Variants in DGKI observed in about 807,000 individuals in gnomAD.
The protein encoded by DGKI is diacylglycerol kinase iota.
DGKI carries 55 observed loss-of-function variants against 147.5 expected under a neutral mutation model. The ratio of observed to expected loss-of-function variants is 0.37; its 90% CI spans 0.30 to 0.47. The LOEUF (loss-of-function observed/expected upper bound fraction) is 0.47. DGKI is among the 20% of genes least tolerant of loss of function. The pLI, the probability that DGKI is intolerant of heterozygous loss-of-function variation, is 1.00. For missense variants in DGKI, 1,007 were observed against 1,323.8 expected (o/e 0.76, Z 3.71); for synonymous variants, 469 against 477.1 (o/e 0.98, Z 0.22).
At chr7:137,573,406 C>T (rs1230185297) in intron 17 of DGKI, among the ~76,000 whole-genome samples, 6 of 152,124 alleles carry the variant, frequency 3.9e-5, no homozygotes, top group Non-Finnish European at 5.9e-5. Flanking sequence ...TATCTTCATT[C>T]GTGGTTTGTT....
intron 28 of DGKI, among the ~76,000 whole-genome samples, chr7:137,425,450 A>C (rs959468821): frequency 2.0e-5 from 3 of 152,228 alleles, no homozygotes; most frequent in African/African-American, 7.2e-5. Context: ...AGATGGGGAA[A>C]AAACAGAGCA....
chr7:137,843,795 A>ACACC (rs1554488531), intron 1 of DGKI, among the ~76,000 whole-genome samples: 4 of 141,798 alleles, frequency 2.8e-5, no homozygotes, highest in South Asian at 2.3e-4. Context: ...ACACACACAC[A>ACACC]CCCTCTCTCC....
intron 22 of DGKI, among the ~76,000 whole-genome samples, chr7:137,486,984 C>T (rs773532319): frequency 6.6e-6 from 1 of 152,168 alleles, no homozygotes; most frequent in Admixed American, 6.5e-5. Context: ...AAGACTCCCC[C>T]TCAAATTTTT....
At chr7:137,406,439 G>T (rs928403292) in intron 30 of DGKI, among the ~76,000 whole-genome samples, 1 of 152,104 alleles carries the variant, frequency 6.6e-6, no homozygotes, top group African/African-American at 2.4e-5. Flanking sequence ...ATCCAACCCA[G>T]CCTACAAGGA....
At chr7:137,600,104 C>T (rs533659860) in intron 10 of DGKI, among the ~76,000 whole-genome samples, 199 bp from the exon 11 acceptor site, 1 of 152,182 alleles carries the variant, frequency 6.6e-6, no homozygotes, top group Non-Finnish European at 1.5e-5. Context: ...GGCAACATGA[C>T]AAAATCCCGT....
chr7:137,432,184 G>A (rs1043669487), intron 28 of DGKI, among the ~76,000 whole-genome samples: 2 of 152,108 alleles, frequency 1.3e-5, no homozygotes, highest in Non-Finnish European at 2.9e-5. Context: ...TATAGCCTGT[G>A]GAACCATGAG....
At chr7:137,766,686 G>C (rs991138354) in intron 1 of DGKI, among the ~76,000 whole-genome samples, 5 of 152,160 alleles carry the variant, frequency 3.3e-5, no homozygotes, top group Admixed American at 1.3e-4. Context: ...TCTTTTTCTA[G>C]AGAAACTGAA....
intron 19 of DGKI, among the ~76,000 whole-genome samples, chr7:137,561,120 TA>T (rs149413170): frequency 0.051 from 7,793 of 152,100 alleles, 509 homozygotes; most frequent in African/African-American, 0.13. Flanking sequence ...GAGACATCTG[TA>T]ACCCCCATGT....
chr7:137,478,228 T>C (rs1206833744), intron 23 of DGKI, among the ~76,000 whole-genome samples: 1 of 152,160 alleles, frequency 6.6e-6, no homozygotes, highest in African/African-American at 2.4e-5. Context: ...GAGAAATGCA[T>C]ATTGTATGGG....
At chr7:137,599,775 CACTTGCCTAAAAT>C in intron 11 of DGKI, 35 bp downstream of exon 11, 1 of 1,563,648 alleles carries the variant, frequency 6.4e-7, no homozygotes, top group Non-Finnish European at 8.8e-7. Context: ...AGAAAATTCT[CACTTGCCTAAAAT>C]ACATATGGAC....
chr7:137,648,989 A>C (rs2129009678), intron 5 of DGKI, among the ~76,000 whole-genome samples: 1 of 152,312 alleles, frequency 6.6e-6, no homozygotes, highest in East Asian at 1.9e-4. Flanking sequence ...CTATCGTAGA[A>C]GAAAATGAGT....
intron 27 of DGKI, among the ~76,000 whole-genome samples, chr7:137,462,640 A>G (rs1314177085): frequency 1.3e-5 from 2 of 152,170 alleles, no homozygotes; most frequent in South Asian, 2.1e-4. Flanking sequence ...ATCTTCAGTT[A>G]TCTTGTTATT....
At chr7:137,545,995 GA>G (rs1356217428) in intron 20 of DGKI, 1 of 700,444 alleles carries the variant, frequency 1.4e-6, no homozygotes, top group Non-Finnish European at 2.6e-6. Context: ...AGCGAAGACA[GA>G]GTCAGCGACA....
At chr7:137,773,943 CACA>C (rs1243389233) in intron 1 of DGKI, among the ~76,000 whole-genome samples, 3 of 152,166 alleles carry the variant, frequency 2.0e-5, no homozygotes, top group Non-Finnish European at 4.4e-5. Flanking sequence ...CTCCTTCTAT[CACA>C]ACAAGGTGGA....
At chr7:137,541,982 T>C (rs1218427984) in intron 20 of DGKI, among the ~76,000 whole-genome samples, 1 of 152,194 alleles carries the variant, frequency 6.6e-6, no homozygotes, top group Middle Eastern at 3.4e-3. Context: ...TGGGAGAGAA[T>C]GTCTGCAAAG....
intron 1 of DGKI, among the ~76,000 whole-genome samples, chr7:137,797,888 G>A (rs942529814): frequency 2.0e-5 from 3 of 151,446 alleles, no homozygotes; most frequent in Non-Finnish European, 2.9e-5. Context: ...AAATAGAGAG[G>A]ACTTAAACAA....
intron 27 of DGKI, among the ~76,000 whole-genome samples, chr7:137,452,037 C>T (rs1813988097): frequency 6.6e-6 from 1 of 152,008 alleles, no homozygotes; most frequent in Non-Finnish European, 1.5e-5. Flanking sequence ...ATTGGGGATG[C>T]CTCTATATGG....
At chr7:137,498,929 T>C (rs1816070882) in intron 21 of DGKI, among the ~76,000 whole-genome samples, 1 of 152,156 alleles carries the variant, frequency 6.6e-6, no homozygotes. Context: ...ACTTAACACC[T>C]GCCAAGGACT....
chr7:137,479,284 T>C (rs534979028), intron 23 of DGKI, among the ~76,000 whole-genome samples: 2 of 152,200 alleles, frequency 1.3e-5, no homozygotes, highest in Non-Finnish European at 2.9e-5. Flanking sequence ...GCTCTTTAAA[T>C]GAATAATATT....
Sources: allele counts gnomAD v4.1 joint callset (sites outside exome capture counted in the v4.1 genomes callset), GRCh38; gene constraint gnomAD v4.1.1; transcripts MANE v1.5; gene names NCBI Gene and HGNC (gene_info 2026-07-23, HGNC 2026-07-21).